The following CALN1 variants were observed in gnomAD, a reference collection of about 807,000 sequenced individuals.
The protein encoded by CALN1 is calneuron 1.
Under a neutral mutation model 30.6 loss-of-function variants are expected in CALN1, and 17 were observed. The observed-to-expected ratio is 0.56, with a 90% CI of 0.38 to 0.83. CALN1 has a LOEUF of 0.83. Among genes scored for constraint, CALN1 ranks in the 40% least tolerant of loss-of-function variants. The pLI, the probability that CALN1 is intolerant of heterozygous loss-of-function variation, is 0.00. For synonymous variants in CALN1, 156 were observed against 131.4 expected, an observed-to-expected ratio of 1.19 and a Z score of -1.28; for missense variants, 291 against 354.9, an observed-to-expected ratio of 0.82 and a Z score of 1.45.
intron 3 of CALN1, among the ~76,000 whole-genome samples, chr7:72,147,295 G>A (rs1170588261): frequency 6.6e-6 from 1 of 152,012 alleles, no homozygotes; most frequent in East Asian, 1.9e-4. Flanking sequence ...CCATCAACAA[G>A]TGGGCAAAGG....
At chr7:71,874,893 T>C (rs1792151086) in intron 5 of CALN1, among the ~76,000 whole-genome samples, 1 of 151,902 alleles carries the variant, frequency 6.6e-6, no homozygotes, top group South Asian at 2.1e-4. Flanking sequence ...GGCTGGGTAC[T>C]GTGATCCATG....
At chr7:72,334,072 T>C (rs1385112675) in intron 2 of CALN1, among the ~76,000 whole-genome samples, 1 of 152,194 alleles carries the variant, frequency 6.6e-6, no homozygotes, top group Non-Finnish European at 1.5e-5. Flanking sequence ...CCAGGAAAAG[T>C]GATTTCACTT....
chr7:72,342,726 A>G (rs1285558450), intron 2 of CALN1, among the ~76,000 whole-genome samples: 1 of 152,188 alleles, frequency 6.6e-6, no homozygotes, highest in Non-Finnish European at 1.5e-5. Context: ...ATCCTCCGGT[A>G]AATATCCCCT....
intron 5 of CALN1, among the ~76,000 whole-genome samples, chr7:71,948,086 C>A (rs772579411): frequency 2.6e-5 from 4 of 152,052 alleles, no homozygotes; most frequent in African/African-American, 9.7e-5. Context: ...GACTTCTCAT[C>A]GAAAGGGCGA....
At chr7:72,175,177 C>CA (rs1789260689) in intron 3 of CALN1, among the ~76,000 whole-genome samples, 1 of 151,828 alleles carries the variant, frequency 6.6e-6, no homozygotes, top group South Asian at 2.1e-4. Flanking sequence ...AGGTTCACGC[C>CA]ATTCTCCTGC....
chr7:71,936,732 C>G (rs1274992789), intron 5 of CALN1, among the ~76,000 whole-genome samples: 1 of 152,130 alleles, frequency 6.6e-6, no homozygotes, highest in Non-Finnish European at 1.5e-5. Context: ...GTCATATGGT[C>G]TGGCTCTGTG....
At chr7:71,985,180 G>A (rs1227019523) in intron 5 of CALN1, among the ~76,000 whole-genome samples, 1 of 152,088 alleles carries the variant, frequency 6.6e-6, no homozygotes, top group Non-Finnish European at 1.5e-5. Context: ...CAATAAAGAC[G>A]GGGAAATGTT....
intron 2 of CALN1, among the ~76,000 whole-genome samples, chr7:72,376,472 G>A (rs1804562905): frequency 1.3e-5 from 2 of 152,142 alleles, no homozygotes; most frequent in South Asian, 4.1e-4. Flanking sequence ...ACAGATGACT[G>A]AGCATCTTTC....
At chr7:72,471,290 AC>A in the CALN1 span, among the ~76,000 whole-genome samples, 1 of 152,164 alleles carries the variant, frequency 6.6e-6, no homozygotes, top group Non-Finnish European at 1.5e-5. Context: ...GCTCAAGGAT[AC>A]CCCTAGGTTG....
At chr7:72,336,815 C>A (rs901791440) in intron 2 of CALN1, 3 of 985,010 alleles carry the variant, frequency 3.0e-6, no homozygotes, top group Non-Finnish European at 3.6e-6. Flanking sequence ...ATGCGCCGAG[C>A]GGGCAGCGCT....
chr7:72,239,699 A>G (rs1365370746), intron 3 of CALN1, among the ~76,000 whole-genome samples: 1 of 152,154 alleles, frequency 6.6e-6, no homozygotes, highest in Non-Finnish European at 1.5e-5. Context: ...TACAGAAAAA[A>G]AAAATGTGGA....
the CALN1 span, among the ~76,000 whole-genome samples, chr7:72,456,304 C>T: frequency 2.0e-5 from 3 of 152,052 alleles, no homozygotes; most frequent in African/African-American, 4.8e-5. Flanking sequence ...GGGAGGATCA[C>T]TCGAGGCCAG....
At chr7:72,380,676 T>C (rs1804836712) in intron 2 of CALN1, among the ~76,000 whole-genome samples, 1 of 151,362 alleles carries the variant, frequency 6.6e-6, no homozygotes, top group African/African-American at 2.4e-5. Flanking sequence ...GGTGGATGGA[T>C]GGATGGATGG....
chr7:72,043,405 T>C (rs1266362106), intron 4 of CALN1, among the ~76,000 whole-genome samples: 1 of 151,932 alleles, frequency 6.6e-6, no homozygotes, highest in African/African-American at 2.4e-5. Context: ...TGCAGAACAA[T>C]AAAAATAGAA....
chr7:72,245,871 G>A (rs1194594721), intron 3 of CALN1, among the ~76,000 whole-genome samples: 2 of 152,182 alleles, frequency 1.3e-5, no homozygotes, highest in Admixed American at 1.3e-4. Flanking sequence ...ATTTCTAGAT[G>A]TGTTTCCATT....
intron 2 of CALN1, among the ~76,000 whole-genome samples, chr7:72,295,075 T>C (rs963820123): frequency 2.0e-5 from 3 of 152,142 alleles, no homozygotes; most frequent in African/African-American, 7.2e-5. Flanking sequence ...ACTGGGCAGA[T>C]GATGGGTGCA....
At chr7:72,146,487 A>G (rs1786740488) in intron 3 of CALN1, among the ~76,000 whole-genome samples, 1 of 152,128 alleles carries the variant, frequency 6.6e-6, no homozygotes, top group Admixed American at 6.5e-5. Context: ...TAAATGGAAG[A>G]ACATTCCATG....
chr7:72,373,627 G>A (rs1201353655), intron 2 of CALN1, among the ~76,000 whole-genome samples: 1 of 152,160 alleles, frequency 6.6e-6, no homozygotes, highest in Non-Finnish European at 1.5e-5. Context: ...AGGTAAACTA[G>A]GCTAAGTTAT....
the CALN1 span, among the ~76,000 whole-genome samples, chr7:72,492,908 C>T: frequency 6.6e-6 from 1 of 152,190 alleles, no homozygotes; most frequent in African/African-American, 2.4e-5. Flanking sequence ...ATGACTAACA[C>T]ATTTGCAGAG....
Sources: allele counts gnomAD v4.1 joint callset (sites outside exome capture counted in the v4.1 genomes callset), GRCh38; gene constraint gnomAD v4.1.1; transcripts MANE v1.5; gene names NCBI Gene and HGNC (gene_info 2026-07-23, HGNC 2026-07-21).